Variants in TRAPPC9 observed in about 807,000 individuals in gnomAD.
TRAPPC9 encodes the protein IKK2 binding protein.
Under a neutral mutation model 124.0 loss-of-function variants are expected in TRAPPC9, and 83 were observed. The ratio of observed to expected loss-of-function variants is 0.67; its 90% CI spans 0.56 to 0.80. The LOEUF (loss-of-function observed/expected upper bound fraction) is 0.80. Among genes scored for constraint, TRAPPC9 ranks in the 30% least tolerant of loss-of-function variants. The pLI is 0.00. For synonymous variants in TRAPPC9, 638 were observed against 617.5 expected (o/e 1.03, Z -0.49); for missense variants, 1,302 against 1,508.3 (o/e 0.86, Z 2.27).
intron 17 of TRAPPC9, among the ~76,000 whole-genome samples, chr8:140,043,427 G>A (rs889331040): frequency 2.0e-5 from 3 of 152,180 alleles, no homozygotes; most frequent in African/African-American, 7.2e-5. Context: ...GAAGTAACAT[G>A]TCCCAGACCT....
chr8:140,271,236 G>T (rs2064868372), intron 15 of TRAPPC9, among the ~76,000 whole-genome samples: 1 of 152,144 alleles, frequency 6.6e-6, no homozygotes, highest in African/African-American at 2.4e-5. Context: ...ACCCAAATTG[G>T]TCCCAAAAGG....
chr8:139,764,498 G>A (rs529551714), intron 21 of TRAPPC9, among the ~76,000 whole-genome samples: 65 of 152,306 alleles, frequency 4.3e-4, no homozygotes, highest in African/African-American at 1.5e-3. Flanking sequence ...TTAAAATGCA[G>A]GCACAATAAT....
chr8:139,970,497 C>A (rs577377507), intron 19 of TRAPPC9, among the ~76,000 whole-genome samples: 1 of 152,120 alleles, frequency 6.6e-6, no homozygotes, highest in Non-Finnish European at 1.5e-5. Context: ...GAGCCAGTAG[C>A]CTGAGATCCC....
chr8:139,937,709 A>G (rs1833622692), intron 19 of TRAPPC9, among the ~76,000 whole-genome samples: 1 of 152,226 alleles, frequency 6.6e-6, no homozygotes, highest in South Asian at 2.1e-4. Context: ...GCAGTGAATG[A>G]AAACACTTGG....
At chr8:140,374,229 G>A (rs1482649642) in intron 7 of TRAPPC9, among the ~76,000 whole-genome samples, 1 of 152,216 alleles carries the variant, frequency 6.6e-6, no homozygotes, top group East Asian at 1.9e-4. Context: ...AAGCCCCAGT[G>A]CTGGAGGACA....
intron 21 of TRAPPC9, among the ~76,000 whole-genome samples, chr8:139,830,672 C>G (rs1435784869): frequency 4.6e-5 from 7 of 152,050 alleles, no homozygotes; most frequent in African/African-American, 1.7e-4. Flanking sequence ...AATACACATG[C>G]ACACACATAC....
chr8:139,935,876 C>T (rs1395519759), intron 19 of TRAPPC9, among the ~76,000 whole-genome samples: 3 of 152,200 alleles, frequency 2.0e-5, no homozygotes, highest in Admixed American at 1.3e-4. Context: ...GATGGGGAAA[C>T]TGAGGCACAC....
In TRAPPC9 at chr8:139,889,784, G is replaced by A. The variant is rs185954611; in HGVS notation, c.2965-3815C>T. Among the ~76,000 whole-genome samples, 261 of 152,288 alleles carry A rather than the reference G, an allele frequency of 1.7e-3. 2 individuals are homozygous for A. The highest frequency in any genetic ancestry group is 0.017 in the Middle Eastern group (5 of 294). ...GCATCTGAGCAGAGGGCCACAGCAG[G>A]AGCTCAGGAAGCACTGGACAAGGAC... On this transcript the variant is annotated intron_variant, in intron 20 of 22. Coordinates refer to ENST00000438773, the MANE Select transcript of TRAPPC9 (RefSeq NM_001160372.4).
chr8:139,987,973 CAG>C (rs1004631795), intron 19 of TRAPPC9, among the ~76,000 whole-genome samples: 10 of 152,250 alleles, frequency 6.6e-5, no homozygotes, highest in South Asian at 4.1e-4. Flanking sequence ...CTTTGCCCTA[CAG>C]AGACTGGGCT....
At chr8:140,218,726 G>A (rs1307402296) in intron 17 of TRAPPC9, among the ~76,000 whole-genome samples, 1 of 152,158 alleles carries the variant, frequency 6.6e-6, no homozygotes, top group East Asian at 1.9e-4. Flanking sequence ...TTGGGAGGCA[G>A]AGGTGGGTGG....
intron 19 of TRAPPC9, among the ~76,000 whole-genome samples, chr8:139,938,734 T>C (rs1587283213): frequency 1.3e-5 from 2 of 150,096 alleles, no homozygotes; most frequent in South Asian, 2.1e-4. Context: ...CAAGCTCCGC[T>C]TCCCGGGTTC....
intron 19 of TRAPPC9, among the ~76,000 whole-genome samples, chr8:139,986,773 G>A (rs386730801): frequency 6.6e-6 from 1 of 152,150 alleles, no homozygotes; most frequent in Non-Finnish European, 1.5e-5. Context: ...GAGTTTTGAC[G>A]AATAGATACA....
At chr8:139,732,606 A>G (rs944212377) in intron 21 of TRAPPC9, among the ~76,000 whole-genome samples, 1 of 152,172 alleles carries the variant, frequency 6.6e-6, no homozygotes, top group African/African-American at 2.4e-5. Context: ...GGGTCAGGTG[A>G]GCTTTGGGGC....
At chr8:140,414,917 T>C (rs1402541941) in intron 5 of TRAPPC9, among the ~76,000 whole-genome samples, 2 of 152,012 alleles carry the variant, frequency 1.3e-5, no homozygotes, top group African/African-American at 4.8e-5. Context: ...TTTTTGTATT[T>C]TTAGTAGAGA....
intron 9 of TRAPPC9, among the ~76,000 whole-genome samples, chr8:140,352,313 T>C (rs2067609859): frequency 1.3e-5 from 2 of 152,316 alleles, no homozygotes; most frequent in East Asian, 3.9e-4. Flanking sequence ...AGTAAGACTT[T>C]TGGTTTCTTG....
intron 21 of TRAPPC9, among the ~76,000 whole-genome samples, chr8:139,798,128 C>A (rs1415026526): frequency 1.3e-5 from 2 of 152,194 alleles, no homozygotes; most frequent in African/African-American, 4.8e-5. Context: ...TCTTCCAATC[C>A]ATGAACACAG....
chr8:140,242,233 CTG>C (rs2063876612), intron 16 of TRAPPC9, among the ~76,000 whole-genome samples: 1 of 151,950 alleles, frequency 6.6e-6, no homozygotes, highest in African/African-American at 2.4e-5. Context: ...TTTGAGAAAA[CTG>C]TAAGACACAC....
chr8:140,070,167 C>T (rs1489527325), intron 17 of TRAPPC9, among the ~76,000 whole-genome samples: 1 of 152,166 alleles, frequency 6.6e-6, no homozygotes, highest in African/African-American at 2.4e-5. Flanking sequence ...TTCACCAGCA[C>T]GAGGGGCACT....
At chr8:140,165,629 A>C (rs2061823817) in intron 17 of TRAPPC9, among the ~76,000 whole-genome samples, 1 of 113,652 alleles carries the variant, frequency 8.8e-6, no homozygotes, top group African/African-American at 3.4e-5. Context: ...GAAGGGAAGC[A>C]AAGGGGAGGG....
Sources: allele counts gnomAD v4.1 joint callset (sites outside exome capture counted in the v4.1 genomes callset), GRCh38; gene constraint gnomAD v4.1.1; transcripts MANE v1.5; gene names NCBI Gene and HGNC (gene_info 2026-07-23, HGNC 2026-07-21).